The following SAMD5 variants were observed in gnomAD, a reference collection of about 807,000 sequenced individuals.
The protein encoded by SAMD5 is sterile alpha motif domain-containing protein 5.
Under a neutral mutation model 11.3 loss-of-function variants are expected in SAMD5, and 13 were observed. The ratio of observed to expected loss-of-function variants is 1.15; its 90% CI spans 0.75 to 1.83. SAMD5 has a LOEUF of 1.83. Among genes scored for constraint, SAMD5 ranks in the 40% most tolerant of loss-of-function variants. The probability of loss-of-function intolerance (pLI) is 0.00; values close to 1 mark genes in which losing one functional copy is unlikely to be tolerated. For synonymous variants in SAMD5, 129 were observed against 111.3 expected, an observed-to-expected ratio of 1.16 and a Z score of -1.00; for missense variants, 255 against 239.1, an observed-to-expected ratio of 1.07 and a Z score of -0.44.
At chr6:147,623,652 G>T (rs936916106) in intron 1 of SAMD5, among the ~76,000 whole-genome samples, 1 of 152,132 alleles carries the variant, frequency 6.6e-6, no homozygotes, top group African/African-American at 2.4e-5. Context: ...AAAGTATATT[G>T]CAGAAAAATA....
At chr6:147,570,288 A>G (rs1323645702), downstream of SAMD5, among the ~76,000 whole-genome samples, 1 of 152,064 alleles carries the variant, frequency 6.6e-6, no homozygotes, top group Non-Finnish European at 1.5e-5. Context: ...ATTCTGTGCC[A>G]GTCATGGTGG....
Position 147,568,800 on chromosome 6 carries a change from A to C in SAMD5, c.*4344A>C, listed in dbSNP as rs1217698388. On this transcript the variant is annotated 3_prime_UTR_variant, in exon 2 of 2. Coordinates refer to ENST00000367474, the MANE Select transcript of SAMD5 (RefSeq NM_001030060.3). ...ACACTATCAGATTCTTTGATTAAAAAATCATCTTCAGCTTTACATTATTAA... is the reference window on the plus strand; with the variant it reads ...ACACTATCAGATTCTTTGATTAAAACATCATCTTCAGCTTTACATTATTAA... 1.0e-6 allele frequency: 1 copy of C among 962,792 alleles called. No individual in the cohort carries two copies. Among genetic ancestry groups the C allele is most frequent in the Non-Finnish European group, 1.2e-6 (1 of 809,458 alleles). The allele number at this position is 962,792 out of a possible 1,614,324, so 59.6% of individuals were successfully genotyped here.
chr6:147,929,383 A>G, the SAMD5 span, among the ~76,000 whole-genome samples: 1 of 152,170 alleles, frequency 6.6e-6, no homozygotes, highest in Non-Finnish European at 1.5e-5. Flanking sequence ...CTCCTGATGC[A>G]CTATTTTATT....
chr6:147,860,193 G>C, the SAMD5 span, among the ~76,000 whole-genome samples: 1 of 152,120 alleles, frequency 6.6e-6, no homozygotes, highest in African/African-American at 2.4e-5. Context: ...TTGGCTTAGA[G>C]ATGCATCACT....
intron 1 of SAMD5, among the ~76,000 whole-genome samples, chr6:147,611,471 G>A (rs533837227): frequency 1.6e-4 from 24 of 152,188 alleles, no homozygotes; most frequent in Non-Finnish European, 2.9e-4. Context: ...GCTGAGGCAG[G>A]AGAATCGCTT....
At chr6:147,558,812 C>G (rs1788899299) in intron 1 of SAMD5, among the ~76,000 whole-genome samples, 1 of 152,188 alleles carries the variant, frequency 6.6e-6, no homozygotes, top group African/African-American at 2.4e-5. Flanking sequence ...CCCACCTCAT[C>G]TACTCCGACC....
At chr6:147,597,038 G>A (rs1021970927) in intron 1 of SAMD5, among the ~76,000 whole-genome samples, 21 of 152,016 alleles carry the variant, frequency 1.4e-4, no homozygotes, top group Admixed American at 4.6e-4. Context: ...TGTGGGGAGC[G>A]GACACCCAGC....
chr6:147,816,973 A>T, the SAMD5 span, among the ~76,000 whole-genome samples: 8 of 152,296 alleles, frequency 5.3e-5, no homozygotes, highest in Non-Finnish European at 1.2e-4. Context: ...GATACCTTAC[A>T]AGTATGATAA....
At chr6:147,900,799 TG>T in the SAMD5 span, among the ~76,000 whole-genome samples, 2 of 152,236 alleles carry the variant, frequency 1.3e-5, no homozygotes, top group Non-Finnish European at 2.9e-5. Flanking sequence ...CCACCTGTCA[TG>T]TTTTTATTAT....
At chr6:147,590,886 T>G (rs1562328139) in intron 1 of SAMD5, among the ~76,000 whole-genome samples, 1 of 152,234 alleles carries the variant, frequency 6.6e-6, no homozygotes, top group Non-Finnish European at 1.5e-5. Context: ...ATAAATTGTT[T>G]TATTTTTAAA....
chr6:147,558,845 A>G (rs1415953158), intron 1 of SAMD5, among the ~76,000 whole-genome samples: 2 of 152,074 alleles, frequency 1.3e-5, no homozygotes, highest in Non-Finnish European at 2.9e-5. Context: ...ATGGTTCATA[A>G]TTATCCCTTT....
chr6:147,781,302 C>T, the SAMD5 span, among the ~76,000 whole-genome samples: 6 of 151,568 alleles, frequency 4.0e-5, no homozygotes, highest in African/African-American at 7.3e-5. Context: ...ACTACAGGGA[C>T]GTGCCACCAT....
chr6:147,830,251 CT>C, the SAMD5 span, among the ~76,000 whole-genome samples: 703 of 84,942 alleles, frequency 8.3e-3, 1 homozygote, highest in East Asian at 0.029. Flanking sequence ...TTCTTTCTTT[CT>C]TTTTTTTTTT....
chr6:147,541,238 C>T (rs1326523276), intron 1 of SAMD5, among the ~76,000 whole-genome samples: 5 of 152,136 alleles, frequency 3.3e-5, no homozygotes, highest in Non-Finnish European at 7.4e-5. Context: ...GCGTAAGCCA[C>T]GACACCAGGC....
chr6:147,822,510 A>C, the SAMD5 span, among the ~76,000 whole-genome samples: 13 of 152,298 alleles, frequency 8.5e-5, no homozygotes, highest in African/African-American at 3.1e-4. Flanking sequence ...TGGTATATCC[A>C]AGTCACAACA....
chr6:147,865,865 C>T, the SAMD5 span, among the ~76,000 whole-genome samples: 1 of 152,104 alleles, frequency 6.6e-6, no homozygotes, highest in Admixed American at 6.6e-5. Context: ...GCAGAAAATG[C>T]ATTTATGCCA....
chr6:147,803,565 T>G, the SAMD5 span, among the ~76,000 whole-genome samples: 1 of 152,232 alleles, frequency 6.6e-6, no homozygotes, highest in Non-Finnish European at 1.5e-5. Context: ...ACACTTAAAA[T>G]GAAGGTAATC....
At chr6:147,787,095 A>C in the SAMD5 span, among the ~76,000 whole-genome samples, 1 of 152,236 alleles carries the variant, frequency 6.6e-6, no homozygotes, top group African/African-American at 2.4e-5. Flanking sequence ...ACCTTCAAAA[A>C]TTATCCTGAA....
intron 1 of SAMD5, among the ~76,000 whole-genome samples, chr6:147,663,836 C>T (rs1180647694): frequency 7.1e-6 from 1 of 140,110 alleles, no homozygotes; most frequent in Non-Finnish European, 1.5e-5. Context: ...AAAGCCTTAT[C>T]ATCTGATTAA....
Sources: allele counts gnomAD v4.1 joint callset (sites outside exome capture counted in the v4.1 genomes callset), GRCh38; gene constraint gnomAD v4.1.1; transcripts MANE v1.5; gene names NCBI Gene and HGNC (gene_info 2026-07-23, HGNC 2026-07-21).